KCNA3: variants seen among roughly 807,000 people sequenced by gnomAD.
KCNA3 encodes the protein potassium voltage-gated channel subfamily A member 3.
In KCNA3, 18 loss-of-function variants were observed where a neutral mutation model predicts 34.3. That is an observed-to-expected ratio of 0.52 (90% CI 0.36 to 0.78). KCNA3 has a LOEUF of 0.78. KCNA3 is among the 30% of genes least tolerant of loss of function. The pLI is 0.00. For missense variants in KCNA3, 587 were observed against 802.5 expected, an observed-to-expected ratio of 0.73 and a Z score of 3.24; for synonymous variants, 324 against 351.7, an observed-to-expected ratio of 0.92 and a Z score of 0.88.
the KCNA3 span, among the ~76,000 whole-genome samples, chr1:110,658,364 C>G: frequency 6.6e-6 from 1 of 152,020 alleles, no homozygotes; most frequent in Admixed American, 6.5e-5. Flanking sequence ...ATTTAAATAA[C>G]AGAGGATTGG....
At chr1:110,667,330 G>C in the KCNA3 span, among the ~76,000 whole-genome samples, 1 of 152,204 alleles carries the variant, frequency 6.6e-6, no homozygotes, top group South Asian at 2.1e-4. Context: ...AAGAGCCTTT[G>C]TGCTATGATA....
At chr1:110,669,770 C>T (rs1651819116), downstream of KCNA3, among the ~76,000 whole-genome samples, 1 of 152,158 alleles carries the variant, frequency 6.6e-6, no homozygotes, top group Non-Finnish European at 1.5e-5. Flanking sequence ...TAGCACTTAC[C>T]TTGCGGAGTT....
At position 110,674,529 on chromosome 1, in the gene KCNA3, G is replaced by C. The variant is rs966093995; in HGVS notation, c.281C>G (p.Pro94Arg). Residue 94 changes from proline (P) to arginine (R), a missense_variant, in exon 1 of 1, where the codon CCG becomes CGG. By Grantham distance (103) the Pro-to-Arg change is moderately radical (BLOSUM62 -2). Around this residue, in one of 7 missense-constraint regions of KCNA3, gnomAD observed 341 missense variants for 355.4 expected, o/e 0.96. Transcript: ENST00000369769. This position sits in a 1 kb window ranked among gnomAD's most constrained non-coding sequence, Gnocchi z 6.4. ...GCAGCAGTCCTGCTCGCCCGCGGCCGGCAGTGAGGGCGGCAGCGGCTCGTA... is the reference window on the plus strand; with the variant it reads ...GCAGCAGTCCTGCTCGCCCGCGGCCCGCAGTGAGGGCGGCAGCGGCTCGTA... ...DRYEPLPPSL[P>R]AAGEQDCCGE... is the part of the protein sequence containing the mutation. The C allele has an allele frequency of 4.3e-6, 7 of 1,609,762 alleles. No individual in the cohort carries two copies. Among genetic ancestry groups the C allele is most frequent in the Non-Finnish European group, 5.9e-6 (7 of 1,178,406 alleles).
the KCNA3 span, among the ~76,000 whole-genome samples, chr1:110,666,086 T>A: frequency 1.3e-5 from 2 of 152,180 alleles, no homozygotes; most frequent in East Asian, 3.9e-4. Flanking sequence ...CAAGATAACA[T>A]ACTATATTTA....
the KCNA3 span, among the ~76,000 whole-genome samples, chr1:110,661,021 T>C: frequency 6.6e-6 from 1 of 152,314 alleles, no homozygotes; most frequent in South Asian, 2.1e-4. Flanking sequence ...TTACTAACTA[T>C]ATAATATAAA....
downstream of KCNA3, among the ~76,000 whole-genome samples, chr1:110,669,522 G>A (rs1651810927): frequency 1.3e-5 from 2 of 152,264 alleles, no homozygotes; most frequent in African/African-American, 2.4e-5. Flanking sequence ...ATACTGAAAT[G>A]AAATAGGTTT....
the KCNA3 span, among the ~76,000 whole-genome samples, chr1:110,665,024 G>T: frequency 2.6e-5 from 4 of 152,326 alleles, no homozygotes; most frequent in East Asian, 5.8e-4. Context: ...AGGATCAAGT[G>T]GGAGAGGAGT....
At chr1:110,658,340 T>C in the KCNA3 span, among the ~76,000 whole-genome samples, 1 of 152,322 alleles carries the variant, frequency 6.6e-6, no homozygotes, top group Middle Eastern at 3.4e-3. Context: ...TATTATAACA[T>C]AGCATGGTTA....
chr1:110,672,110 G>C (rs1651911665), downstream of KCNA3, among the ~76,000 whole-genome samples: 1 of 152,174 alleles, frequency 6.6e-6, no homozygotes, highest in Non-Finnish European at 1.5e-5. Context: ...CTGTGGAAAC[G>C]GCAGGGGCTG....
At chr1:110,665,163 A>C in the KCNA3 span, among the ~76,000 whole-genome samples, 1 of 152,240 alleles carries the variant, frequency 6.6e-6, no homozygotes, top group Non-Finnish European at 1.5e-5. Flanking sequence ...CAAAGATGTA[A>C]TATAACTTGA....
the KCNA3 span, among the ~76,000 whole-genome samples, chr1:110,661,717 TA>T: frequency 1.3e-5 from 2 of 152,068 alleles, no homozygotes; most frequent in Non-Finnish European, 2.9e-5. Flanking sequence ...TTGAGATTAT[TA>T]AATAAGAATG....
At chr1:110,664,244 T>C in the KCNA3 span, among the ~76,000 whole-genome samples, 1 of 152,206 alleles carries the variant, frequency 6.6e-6, no homozygotes, top group South Asian at 2.1e-4. Context: ...TATGTTATCA[T>C]TGATTAAAAG....
the KCNA3 span, among the ~76,000 whole-genome samples, chr1:110,661,737 A>G: frequency 1.3e-5 from 2 of 152,184 alleles, no homozygotes; most frequent in African/African-American, 4.8e-5. Context: ...TGGTATAAGC[A>G]TGGCATCCTA....
the KCNA3 span, among the ~76,000 whole-genome samples, chr1:110,665,177 A>C: frequency 6.6e-6 from 1 of 152,232 alleles, no homozygotes; most frequent in Admixed American, 6.5e-5. Context: ...AACTTGATAA[A>C]TGTTTTTAAA....
chr1:110,669,957 C>T (rs1404836348), downstream of KCNA3, among the ~76,000 whole-genome samples: 2 of 152,014 alleles, frequency 1.3e-5, no homozygotes, highest in Non-Finnish European at 2.9e-5. Flanking sequence ...ATCTCTGATG[C>T]CGTGTCATGG....
chr1:110,658,430 G>T, the KCNA3 span, among the ~76,000 whole-genome samples: 16 of 152,008 alleles, frequency 1.1e-4, no homozygotes, highest in South Asian at 8.3e-4. Context: ...AATAAAAAAG[G>T]GTTCTATATA....
At position 110,674,299 on chromosome 1, in the gene KCNA3, G is replaced by A; in HGVS notation, c.511C>T (p.Arg171Trp). The change falls in exon 1 of 1, where the codon CGG becomes TGG. Residue 171 changes from arginine (R) to tryptophan (W), a missense_variant. Arg to Trp is a moderately radical substitution (Grantham distance 101). Transcript: ENST00000369769. The surrounding 1 kb of genome is among the most constrained non-coding windows in gnomAD (Gnocchi z 6.4). ...ATGTCGATGGGCACGTTGACCGGCC[G>A]GCGGATGCGGCCCCCGGACTGATAG... Reference protein sequence around the residue: ...YYYQSGGRIRRPVNVPIDIFS... With the variant: ...YYYQSGGRIRWPVNVPIDIFS... 2 of 1,614,184 alleles carry A rather than the reference G, an allele frequency of 1.2e-6. No homozygotes were observed. The highest frequency in any genetic ancestry group is 8.5e-7 in the Non-Finnish European group (1 of 1,180,022).
chr1:110,655,232 G>A, the KCNA3 span: 17 of 151,808 alleles, frequency 1.1e-4, no homozygotes, highest in Non-Finnish European at 2.4e-4. Context: ...TTTCAAAAAT[G>A]GTCTATACAG....
downstream of KCNA3, among the ~76,000 whole-genome samples, chr1:110,670,121 C>G (rs1298996136): frequency 6.6e-6 from 1 of 152,124 alleles, no homozygotes; most frequent in Admixed American, 6.5e-5. Flanking sequence ...AGTCAGGACT[C>G]AAATCCTGGA....
Sources: allele counts gnomAD v4.1 joint callset (sites outside exome capture counted in the v4.1 genomes callset), GRCh38; gene constraint gnomAD v4.1.1; regional missense constraint gnomAD v4.1.1; non-coding constraint Gnocchi (gnomAD v3.1); transcripts MANE v1.5; gene names NCBI Gene and HGNC (gene_info 2026-07-23, HGNC 2026-07-21).